The following C1orf198 variants were observed in gnomAD, a reference collection of about 807,000 sequenced individuals.
The protein encoded by C1orf198 is uncharacterized protein C1orf198.
In C1orf198, 17 loss-of-function variants were observed where a neutral mutation model predicts 31.4. The ratio of observed to expected loss-of-function variants is 0.54; its 90% CI spans 0.37 to 0.81. The LOEUF (loss-of-function observed/expected upper bound fraction) is 0.81, where lower values mean the gene tolerates loss of function less well. C1orf198 is among the 40% of genes least tolerant of loss of function. The probability of loss-of-function intolerance (pLI) is 0.00; values close to 1 mark genes in which losing one functional copy is unlikely to be tolerated. For synonymous variants in C1orf198, 175 were observed against 193.8 expected (o/e 0.90, Z 0.81); for missense variants, 401 against 450.3 (o/e 0.89, Z 0.99).
In C1orf198 at chr1:230,855,423, C is replaced by T. The variant is rs527997783; in HGVS notation, c.384+245G>A. Among the ~76,000 whole-genome samples the T allele has an allele frequency of 2.0e-5, 3 of 152,272 alleles. No homozygotes were observed. The South Asian group carries it at 6.2e-4, about 32-fold the overall frequency. ...GTCCTAGACAATGGGCATCATGGGG[C>T]GTCATTGGACCCTGGCAGAAAGCAC... On this transcript the variant is annotated intron_variant, in intron 2 of 3. Transcript: ENST00000366663.
chr1:230,868,074 C>G, intron 1 of C1orf198, 106 bp downstream of exon 1: 1 of 1,189,706 alleles, frequency 8.4e-7, no homozygotes, highest in South Asian at 2.2e-5. Context: ...TTTTCTTTTC[C>G]AGCCCCTACC....
intron 2 of C1orf198, among the ~76,000 whole-genome samples, chr1:230,846,529 T>C (rs1370925355): frequency 6.6e-6 from 1 of 152,274 alleles, no homozygotes; most frequent in East Asian, 1.9e-4. Context: ...ACATGCTCTC[T>C]GAGTCTGAGA....
chr1:230,855,945 C>G (rs900443581), intron 1 of C1orf198: 23 of 1,328,638 alleles, frequency 1.7e-5, no homozygotes, highest in Non-Finnish European at 1.9e-5. Flanking sequence ...CCCAGCCAAA[C>G]AGACAACAGG....
chr1:230,842,223 A>C (rs1000743656), intron 3 of C1orf198, among the ~76,000 whole-genome samples: 4 of 152,180 alleles, frequency 2.6e-5, no homozygotes, highest in Non-Finnish European at 5.9e-5. Context: ...TGATGGTTAC[A>C]CAGCATTGAG....
intron 1 of C1orf198, among the ~76,000 whole-genome samples, chr1:230,867,339 C>T (rs1360343045): frequency 6.6e-6 from 1 of 152,192 alleles, no homozygotes; most frequent in Admixed American, 6.5e-5. Context: ...GCGTTTGTGA[C>T]TAAGTGTGGG....
chr1:230,861,770 C>G (rs1670009175), intron 1 of C1orf198, among the ~76,000 whole-genome samples: 1 of 152,200 alleles, frequency 6.6e-6, no homozygotes, highest in Non-Finnish European at 1.5e-5. Context: ...CCCTTAGGGC[C>G]TCCACAAGCT....
rs570451556 is a variant in C1orf198 at position 230,843,332 on chromosome 1, C to T, written c.927+22G>A. ...AATAAGGCACCATCCCATCTGAGGA[C>T]GCGCTGGTAAAGGCCACTCACCTGT... On this transcript the variant is annotated intron_variant, in intron 3 of 3. Transcript: ENST00000366663. The surrounding 1 kb of genome is among the most constrained non-coding windows in gnomAD (Gnocchi z 4.9). 3.4e-5 allele frequency: 53 copies of T among 1,550,336 alleles called. No homozygotes were observed. Among genetic ancestry groups the T allele is most frequent in the African/African-American group, 5.5e-5 (4 of 73,138 alleles).
chr1:230,852,497 T>C (rs747399447), intron 2 of C1orf198, among the ~76,000 whole-genome samples: 10 of 152,212 alleles, frequency 6.6e-5, no homozygotes, highest in Admixed American at 2.6e-4. Context: ...TTCCACAATG[T>C]ACACACGTAT....
intron 1 of C1orf198, chr1:230,856,097 C>T: frequency 1.7e-6 from 1 of 599,504 alleles, no homozygotes; most frequent in Non-Finnish European, 2.1e-6. Flanking sequence ...ATGACTCAGC[C>T]TTTTTGAGCC....
chr1:230,864,103 T>G (rs1015384409), intron 1 of C1orf198, among the ~76,000 whole-genome samples: 2 of 152,178 alleles, frequency 1.3e-5, no homozygotes, highest in African/African-American at 4.8e-5. Flanking sequence ...CTAACAAAGA[T>G]GTAAGGCTCA....
chr1:230,846,830 G>A (rs1669599434), intron 2 of C1orf198, among the ~76,000 whole-genome samples: 2 of 152,228 alleles, frequency 1.3e-5, no homozygotes, highest in South Asian at 4.1e-4. Flanking sequence ...GCGGCCGGGC[G>A]CGGTGGCTCA....
At chr1:230,851,798 G>A (rs1669752649) in intron 2 of C1orf198, among the ~76,000 whole-genome samples, 1 of 152,238 alleles carries the variant, frequency 6.6e-6, no homozygotes, top group Admixed American at 6.5e-5. Flanking sequence ...CTGCTACTGT[G>A]AGGCTGCAGC....
rs771762687 is a variant in C1orf198 at position 230,868,507 on chromosome 1, C to T, written c.6G>A (p.Ala2=). 1.1e-5 allele frequency: 16 copies of T among 1,402,062 alleles called. No individual in the cohort carries two copies. Among genetic ancestry groups the T allele is most frequent in the Admixed American group, 2.6e-5 (1 of 38,366 alleles). The allele number at this position is 1,402,062 out of a possible 1,614,324, so 86.9% of individuals were successfully genotyped here. A position where few individuals can be genotyped will look rare whatever the true frequency, so the allele number is the denominator to read the frequency against. Residue 2 remains alanine (A), a synonymous_variant, in exon 1 of 4, where the codon GCG becomes GCA. Coordinates refer to ENST00000366663, the MANE Select transcript of C1orf198 (RefSeq NM_032800.3). M[A]SMAAAIAASR... ...AAGCCGCGATCGCCGCCGCCATGGA[C>T]GCCATGCCCGGCCTGCCCGCCGCTC...
At chr1:230,849,368 C>T (rs933437162) in intron 2 of C1orf198, among the ~76,000 whole-genome samples, 5 of 152,096 alleles carry the variant, frequency 3.3e-5, no homozygotes, top group African/African-American at 4.8e-5. Flanking sequence ...GACAGAAAGC[C>T]GGGGTTTGGG....
In C1orf198 at chr1:230,840,019, G is replaced by T; in HGVS notation, c.928-111C>A. ...GACCCAGATAAAAGAGCCTACTTCT[G>T]TCTCAGAGGTTCCCTGACCTCAATT... On this transcript the variant is annotated intron_variant, in intron 3 of 3. Coordinates refer to ENST00000366663, the MANE Select transcript of C1orf198 (RefSeq NM_032800.3). This position sits in a 1 kb window ranked among gnomAD's most constrained non-coding sequence, Gnocchi z 4.0. 1 of 885,572 alleles carries T rather than the reference G, an allele frequency of 1.1e-6. No individual in the cohort carries two copies. The highest frequency in any genetic ancestry group is 1.7e-6 in the Non-Finnish European group (1 of 577,092). 54.9% of individuals were successfully genotyped at this position (885,572 alleles called of 1,614,324 possible).
Position 230,851,245 on chromosome 1 carries a change from C to T in C1orf198, c.384+4423G>A, listed in dbSNP as rs143872553. On this transcript the variant is annotated intron_variant, in intron 2 of 3. Transcript: ENST00000366663. ...CTTACTGCCCTAATAGGCAGCTGGA[C>T]ATCAGGTGAAGGAAGGGGGTAGCCA... 7.1e-4 allele frequency among the ~76,000 whole-genome samples: 108 copies of T among 152,220 alleles called. 1 individual carries two copies. In the South Asian group the frequency reaches 7.9e-3, roughly 11 times the overall value.
At chr1:230,844,767 AC>A (rs370389266) in intron 2 of C1orf198, among the ~76,000 whole-genome samples, 93 of 152,116 alleles carry the variant, frequency 6.1e-4, no homozygotes, top group Middle Eastern at 6.8e-3. Context: ...GATCACAAAC[AC>A]CCAGAGGGCA....
In C1orf198 at chr1:230,855,491, T is replaced by A. The variant is rs756284053; in HGVS notation, c.384+177A>T. 2.0e-4 allele frequency among the ~76,000 whole-genome samples: 31 copies of A among 152,188 alleles called. No individual in the cohort carries two copies. The highest frequency in any genetic ancestry group is 3.7e-4 in the Non-Finnish European group (25 of 68,032). On this transcript the variant is annotated intron_variant, in intron 2 of 3. Transcript: ENST00000366663. ...TATCACCAAACCACACACAATAGTT[T>A]CCTAATTCCTCACCATGCTCCTCCC...
chr1:230,864,803 G>A (rs1292321130), intron 1 of C1orf198, among the ~76,000 whole-genome samples: 1 of 152,154 alleles, frequency 6.6e-6, no homozygotes, highest in Non-Finnish European at 1.5e-5. Flanking sequence ...CTCAGATCTT[G>A]CTAGATCAGT....
Sources: allele counts gnomAD v4.1 joint callset (sites outside exome capture counted in the v4.1 genomes callset), GRCh38; gene constraint gnomAD v4.1.1; non-coding constraint Gnocchi (gnomAD v3.1); transcripts MANE v1.5; gene names NCBI Gene and HGNC (gene_info 2026-07-23, HGNC 2026-07-21).